Variants in GALC observed in about 807,000 individuals in gnomAD.
GALC encodes galactosylceramidase, also known as galactocerebrosidase.
Under a neutral mutation model 91.8 loss-of-function variants are expected in GALC, and 77 were observed. The observed-to-expected ratio is 0.84, with a 90% CI of 0.70 to 1.01. The LOEUF (loss-of-function observed/expected upper bound fraction) is 1.01, where lower values mean the gene tolerates loss of function less well. Among genes scored for constraint, GALC ranks in the 50% least tolerant of loss-of-function variants. The pLI is 0.00. For synonymous variants in GALC, 357 were observed against 306.7 expected (o/e 1.16, Z -1.71); for missense variants, 882 against 855.9 (o/e 1.03, Z -0.38).
At chr14:87,954,551 G>C in intron 10 of GALC, 1 of 1,560,520 alleles carries the variant, frequency 6.4e-7, no homozygotes, top group South Asian at 1.1e-5. Flanking sequence ...GTGCTTGTTT[G>C]ATGATGATGT....
At chr14:87,969,276 T>C (rs777761334) in intron 7 of GALC, among the ~76,000 whole-genome samples, 1 of 152,076 alleles carries the variant, frequency 6.6e-6, no homozygotes, top group Admixed American at 6.6e-5. Flanking sequence ...CATCCTACAA[T>C]GCACAGGACC....
At chr14:87,960,412 G>C (rs1885753685) in intron 10 of GALC, among the ~76,000 whole-genome samples, 2 of 152,042 alleles carry the variant, frequency 1.3e-5, no homozygotes, top group Admixed American at 1.3e-4. Flanking sequence ...AGAGGCTTTT[G>C]AATGCTTTCA....
intron 10 of GALC, among the ~76,000 whole-genome samples, chr14:87,962,287 C>A (rs1427653474): frequency 6.6e-6 from 1 of 152,084 alleles, no homozygotes; most frequent in Non-Finnish European, 1.5e-5. Flanking sequence ...TTTGGAGGAT[C>A]ACTTCTCAAC....
chr14:87,967,042 G>C (rs577727298), intron 8 of GALC, among the ~76,000 whole-genome samples: 8 of 152,256 alleles, frequency 5.3e-5, no homozygotes, highest in African/African-American at 1.7e-4. Context: ...CCAAGGAGAA[G>C]GTATAACAAC....
intron 7 of GALC, among the ~76,000 whole-genome samples, chr14:87,968,956 C>T (rs1483872847): frequency 6.6e-6 from 1 of 152,018 alleles, no homozygotes; most frequent in Non-Finnish European, 1.5e-5. Context: ...ACTAGTGAAA[C>T]CTTTATATAA....
chr14:87,965,123 T>C (rs745379574), intron 9 of GALC, among the ~76,000 whole-genome samples: 6 of 152,200 alleles, frequency 3.9e-5, no homozygotes, highest in Non-Finnish European at 8.8e-5. Context: ...ACTCTATTAA[T>C]ATAAGAGAAC....
chr14:87,987,038 C>T (rs1275452087), intron 3 of GALC: 1 of 455,916 alleles, frequency 2.2e-6, no homozygotes, highest in Non-Finnish European at 4.4e-6. Context: ...AGAACCCACA[C>T]CTTTAGCCTA....
intron 8 of GALC, among the ~76,000 whole-genome samples, chr14:87,967,631 C>T (rs1219346269): frequency 6.6e-6 from 1 of 152,146 alleles, no homozygotes; most frequent in African/African-American, 2.4e-5. Flanking sequence ...TAGTTGTGTT[C>T]TCCCTTAAGA....
rs373277798 is a variant in GALC at position 87,949,848 on chromosome 14, T to C, written c.1335A>G (p.Leu445=). 157 of 1,535,472 alleles carry C rather than the reference T, an allele frequency of 1.0e-4. 1 individual carries two copies. Among genetic ancestry groups the C allele is most frequent in the Non-Finnish European group, 3.2e-5 (35 of 1,109,608 alleles). ...TAAGAATTTACTTTAAAATTACCCA[T>C]AGAGAATCCAGCTGCTTAAAAAGAA... is the stretch of plus-strand genomic sequence containing the variant. ...ERFLFKQLDS[L]WLLDSDGSFT... Residue 445 remains leucine, a synonymous_variant, in exon 12 of 17, where the codon CTA becomes CTG. Coordinates refer to ENST00000261304, the MANE Select transcript of GALC (RefSeq NM_000153.4).
intron 16 of GALC, among the ~76,000 whole-genome samples, chr14:87,936,918 T>TTATATATA (rs1566965103): frequency 8.0e-6 from 1 of 124,774 alleles, no homozygotes; most frequent in Non-Finnish European, 1.6e-5. Flanking sequence ...ATATATTTAT[T>TTATATATA]TATTTTCTCA....
intron 10 of GALC, chr14:87,953,615 C>G: frequency 6.2e-7 from 1 of 1,609,760 alleles, no homozygotes; most frequent in East Asian, 2.2e-5. Flanking sequence ...CACAAAAGTG[C>G]TATTAAAAGA....
chr14:87,954,232 T>G (rs574015047), intron 10 of GALC: 1 of 1,537,430 alleles, frequency 6.5e-7, no homozygotes, highest in Non-Finnish European at 9.0e-7. Context: ...GTGAACAGTA[T>G]AGACTTTATA....
chr14:87,952,850 G>A (rs1885369051), intron 10 of GALC: 3 of 1,172,624 alleles, frequency 2.6e-6, no homozygotes, highest in African/African-American at 1.5e-5. Context: ...GCTCTAATAT[G>A]CAAATATGTG....
In GALC at chr14:87,977,034, G is replaced by T. The variant is rs912501723; in HGVS notation, c.622-546C>A. Reference sequence around the variant, plus strand: ...AATTACGTTTAACCATAGAAATATGGGGGGGGGGGGATGAAACAAAAATAA... The same window carrying T: ...AATTACGTTTAACCATAGAAATATGTGGGGGGGGGGATGAAACAAAAATAA... On this transcript the variant is annotated intron_variant, in intron 6 of 16. Transcript: ENST00000261304. Among the ~76,000 whole-genome samples the T allele has an allele frequency of 2.6e-3, 259 of 98,658 alleles. 6 individuals carry two copies. Among genetic ancestry groups the T allele is most frequent in the African/African-American group, 8.2e-3 (232 of 28,230 alleles). The allele number at this position is 98,658 out of a possible 152,430, so 64.7% of individuals were successfully genotyped here.
chr14:87,945,682 A>C lies in GALC; in HGVS notation c.1541T>G (p.Phe514Cys). 6.2e-7 allele frequency: 1 copy of C among 1,612,334 alleles called. No individual in the cohort carries two copies. Residue 514 changes from phenylalanine (F) to cysteine (C), a missense_variant, in exon 14 of 17, where the codon TTT becomes TGT. Phe to Cys is a radical substitution (Grantham distance 205). Coordinates refer to ENST00000261304, the MANE Select transcript of GALC (RefSeq NM_000153.4). ...GTCTTCAATATTTGTAAAATATTCA[A>C]ATACACCAGTTTGATCAGCAAAGTT... is the stretch of plus-strand genomic sequence containing the variant. Reference protein sequence around the residue: ...APNFADQTGVFEYFTNIEDPG... With the variant: ...APNFADQTGVCEYFTNIEDPG...
upstream of GALC, chr14:87,993,300 C>T (rs1332112642): frequency 4.6e-6 from 7 of 1,537,642 alleles, no homozygotes; most frequent in South Asian, 4.8e-5. Flanking sequence ...ACGCAGCTGG[C>T]GGAGTGTTGA....
chr14:87,988,324 C>T (rs1376164604), intron 2 of GALC, 117 bp from the exon 3 acceptor site: 1 of 1,236,622 alleles, frequency 8.1e-7, no homozygotes, highest in Admixed American at 1.7e-5. Context: ...CTTCAAATAG[C>T]AATTTATTCC....
At chr14:87,947,098 C>T (rs1885103449) in intron 13 of GALC, among the ~76,000 whole-genome samples, 1 of 151,938 alleles carries the variant, frequency 6.6e-6, no homozygotes, top group Admixed American at 6.6e-5. Flanking sequence ...CTGTGAGACC[C>T]ATAAACCTAC....
intron 7 of GALC, among the ~76,000 whole-genome samples, chr14:87,969,415 A>G (rs1285321779): frequency 1.3e-5 from 2 of 152,198 alleles, no homozygotes; most frequent in Non-Finnish European, 2.9e-5. Context: ...TGGAAGTATA[A>G]ATGCATATTC....
Sources: gnomAD v4.1 joint callset for allele counts (sites outside exome capture counted in the v4.1 genomes callset) on GRCh38, gnomAD v4.1.1 for gene constraint, MANE v1.5 for transcripts, NCBI Gene and HGNC (gene_info 2026-07-23, HGNC 2026-07-21) for gene names.